The following TNIP3 variants were observed in gnomAD, a reference collection of about 807,000 sequenced individuals.
TNIP3 encodes TNFAIP3-interacting protein 3.
A neutral mutation model predicts 54.1 loss-of-function variants in TNIP3; 34 were observed. The observed-to-expected ratio is 0.63, with a 90% CI of 0.48 to 0.84. The LOEUF (loss-of-function observed/expected upper bound fraction) is 0.84. TNIP3 is among the 40% of genes least tolerant of loss of function. TNIP3 has a pLI of 0.00. For synonymous variants in TNIP3, 134 were observed against 136.8 expected (o/e 0.98, Z 0.14); for missense variants, 366 against 387.6 (o/e 0.94, Z 0.47).
intron 2 of TNIP3, among the ~76,000 whole-genome samples, chr4:121,206,303 T>A (rs1026865068): frequency 1.3e-5 from 2 of 152,172 alleles, no homozygotes; most frequent in African/African-American, 2.4e-5. Flanking sequence ...AAAATGAACC[T>A]TTTGCTAAAC....
intron 2 of TNIP3, among the ~76,000 whole-genome samples, chr4:121,186,247 T>A (rs1725012332): frequency 6.6e-6 from 1 of 152,082 alleles, no homozygotes; most frequent in Admixed American, 6.5e-5. Flanking sequence ...TGGTCACACC[T>A]ATGGAGAGAG....
intron 2 of TNIP3, among the ~76,000 whole-genome samples, chr4:121,183,794 A>T (rs1400588535): frequency 6.6e-6 from 1 of 152,052 alleles, no homozygotes; most frequent in Non-Finnish European, 1.5e-5. Context: ...CTAATGCCTG[A>T]TGATCTGTCA....
chr4:121,156,194 T>G (rs1187728231), intron 4 of TNIP3, among the ~76,000 whole-genome samples: 1 of 152,216 alleles, frequency 6.6e-6, no homozygotes, highest in Non-Finnish European at 1.5e-5. Flanking sequence ...GACATTGCCT[T>G]AAGATTTGTA....
At chr4:121,145,730 A>C (rs1212789434) in intron 7 of TNIP3, among the ~76,000 whole-genome samples, 2 of 151,742 alleles carry the variant, frequency 1.3e-5, no homozygotes, top group Non-Finnish European at 2.9e-5. Context: ...TGCTTTAAAA[A>C]ACAAATATTT....
intron 1 of TNIP3, 26 bp downstream of exon 1, chr4:121,164,034 C>T (rs375479960): frequency 6.2e-7 from 1 of 1,612,566 alleles, no homozygotes; most frequent in Non-Finnish European, 8.5e-7. Flanking sequence ...ATGTGATCAA[C>T]TCATCTCCTA....
At chr4:121,222,813 T>TA (rs1337148485) in intron 1 of TNIP3, among the ~76,000 whole-genome samples, 1 of 144,700 alleles carries the variant, frequency 6.9e-6, no homozygotes, top group African/African-American at 2.6e-5. Flanking sequence ...CGTTTTTTTT[T>TA]TTTTTTTTTT....
intron 3 of TNIP3, among the ~76,000 whole-genome samples, chr4:121,180,355 GCA>G: frequency 6.6e-6 from 1 of 152,062 alleles, no homozygotes; most frequent in East Asian, 1.9e-4. Flanking sequence ...AGCCGAGATC[GCA>G]CCACTGCACT....
At chr4:121,218,196 T>G (rs1327735978), upstream of TNIP3, among the ~76,000 whole-genome samples, 1 of 152,194 alleles carries the variant, frequency 6.6e-6, no homozygotes, top group Non-Finnish European at 1.5e-5. Context: ...CTATATTTCT[T>G]AGGCAATGTC....
chr4:121,207,257 A>T (rs1022502120), intron 2 of TNIP3, among the ~76,000 whole-genome samples: 1 of 152,208 alleles, frequency 6.6e-6, no homozygotes, highest in Non-Finnish European at 1.5e-5. Context: ...AAAAACAATG[A>T]TCAATGACAT....
At chr4:121,220,479 A>C (rs776269312), upstream of TNIP3, among the ~76,000 whole-genome samples, 1 of 152,176 alleles carries the variant, frequency 6.6e-6, no homozygotes, top group Admixed American at 6.5e-5. Flanking sequence ...TTTTTATGAT[A>C]ATTAACTACT....
intron 1 of TNIP3, chr4:121,227,262 G>T (rs1727296428): frequency 1.3e-6 from 1 of 761,186 alleles, no homozygotes; most frequent in South Asian, 1.9e-5. Context: ...CTGAGTTCCT[G>T]ATCAGTTATA....
intron 2 of TNIP3, among the ~76,000 whole-genome samples, chr4:121,203,901 ATG>A (rs1463727314): frequency 1.3e-5 from 2 of 148,400 alleles, no homozygotes; most frequent in Non-Finnish European, 1.5e-5. Flanking sequence ...TATACAATAT[ATG>A]TGTGTATATA....
intron 6 of TNIP3, 94 bp from the exon 7 acceptor site, chr4:121,147,268 T>G (rs972665934): frequency 1.4e-6 from 2 of 1,462,346 alleles, no homozygotes; most frequent in Middle Eastern, 1.9e-4. Flanking sequence ...TACTCCATTA[T>G]TGTAAAGAAC....
At chr4:121,151,097 A>G (rs1417886703) in intron 5 of TNIP3, among the ~76,000 whole-genome samples, 5 of 152,214 alleles carry the variant, frequency 3.3e-5, no homozygotes, top group Admixed American at 3.3e-4. Context: ...TTGGTTCATG[A>G]TAAGTTCAAT....
intron 10 of TNIP3, among the ~76,000 whole-genome samples, chr4:121,136,068 G>C (rs1465027234): frequency 6.6e-6 from 1 of 152,198 alleles, no homozygotes; most frequent in Non-Finnish European, 1.5e-5. Flanking sequence ...TGTTAGTATG[G>C]AAAAGGATAG....
At chr4:121,182,535 C>T in intron 3 of TNIP3, 3 of 991,082 alleles carry the variant, frequency 3.0e-6, no homozygotes, top group Non-Finnish European at 4.3e-6. Flanking sequence ...AAGTTTTATA[C>T]TGCTTCAGTT....
chr4:121,211,620 C>T (rs1351055012), intron 2 of TNIP3, among the ~76,000 whole-genome samples: 2 of 152,070 alleles, frequency 1.3e-5, no homozygotes, highest in African/African-American at 4.8e-5. Context: ...TCCAAATTGC[C>T]CTGAAAACTA....
rs531992648 is a variant in TNIP3, at chr4:121,179,875, G to A, written c.189+2801C>T. ...AGGAAATATATTGAATTCACTTCAGGAAAGACTGAGTGGAAAGAAAGTACA... is the reference window on the plus strand; with the variant it reads ...AGGAAATATATTGAATTCACTTCAGAAAAGACTGAGTGGAAAGAAAGTACA... On this transcript the variant is annotated intron_variant, in intron 3 of 12. Transcript: ENST00000507879. Among the ~76,000 whole-genome samples the A allele has an allele frequency of 4.6e-5, 7 of 152,192 alleles. No homozygotes were observed. In the South Asian group the frequency reaches 1.5e-3, roughly 32 times the overall value.
intron 2 of TNIP3, among the ~76,000 whole-genome samples, chr4:121,159,608 C>T (rs1384083081): frequency 1.3e-5 from 2 of 152,220 alleles, no homozygotes; most frequent in Non-Finnish European, 2.9e-5. Flanking sequence ...AAAAGATTAA[C>T]ACATGATTTA....
Sources: allele counts gnomAD v4.1 joint callset (sites outside exome capture counted in the v4.1 genomes callset), GRCh38; gene constraint gnomAD v4.1.1; transcripts MANE v1.5; gene names NCBI Gene and HGNC (gene_info 2026-07-23, HGNC 2026-07-21).